The following PCDH11X variants were observed in gnomAD, a reference collection of about 807,000 sequenced individuals.
PCDH11X encodes protocadherin-11 X-linked.
Under a neutral mutation model 53.3 loss-of-function variants are expected in PCDH11X, and 18 were observed. The observed-to-expected ratio is 0.34, with a 90% CI of 0.23 to 0.50. PCDH11X has a LOEUF of 0.50. PCDH11X is among the 20% of genes least tolerant of loss of function. The pLI is 0.98. For missense variants in PCDH11X, 570 were observed against 1,032.4 expected, an observed-to-expected ratio of 0.55 and a Z score of 6.14; for synonymous variants, 279 against 393.3, an observed-to-expected ratio of 0.71 and a Z score of 3.44.
intron 7 of PCDH11X, among the ~76,000 whole-genome samples, chrX:92,218,354 A>G (rs1018741951): frequency 4.0e-4 from 45 of 111,253 alleles, no homozygotes; most frequent in African/African-American, 1.4e-3. Context: ...ATAAAAAATG[A>G]TAAAGGGGAT....
chrX:91,821,155 G>T (rs377463293), intron 4 of PCDH11X, among the ~76,000 whole-genome samples: 1 of 108,138 alleles, frequency 9.2e-6, no homozygotes, highest in East Asian at 2.8e-4. Context: ...TGGCGATGCG[G>T]GCTCTTTTTT....
chrX:92,540,777 C>T (rs2074742495), intron 10 of PCDH11X, among the ~76,000 whole-genome samples: 1 of 106,905 alleles, frequency 9.4e-6, no homozygotes, highest in South Asian at 4.3e-4. Flanking sequence ...TTTATAAATC[C>T]TATCAGAAGT....
At chrX:91,807,769 T>C in intron 1 of PCDH11X, among the ~76,000 whole-genome samples, 1 of 111,478 alleles carries the variant, frequency 9.0e-6, no homozygotes, top group Non-Finnish European at 1.9e-5. Context: ...GTTACAGTTT[T>C]TCAATTAAAA....
At chrX:92,194,749 A>G (rs1237523672) in intron 6 of PCDH11X, among the ~76,000 whole-genome samples, 1 of 110,121 alleles carries the variant, frequency 9.1e-6, no homozygotes, top group Non-Finnish European at 1.9e-5. Context: ...TCATAGAGAT[A>G]TATGATCACT....
chrX:92,142,649 C>T (rs920695480), intron 6 of PCDH11X, among the ~76,000 whole-genome samples: 1 of 111,227 alleles, frequency 9.0e-6, no homozygotes, highest in Non-Finnish European at 1.9e-5. Context: ...TTGTGAATTA[C>T]AGTCGCACAT....
chrX:91,901,960 T>G (rs1347155806), intron 6 of PCDH11X, among the ~76,000 whole-genome samples: 1 of 111,181 alleles, frequency 9.0e-6, no homozygotes, highest in Non-Finnish European at 1.9e-5. Context: ...TGGTCCCTAA[T>G]GCAGGATTTG....
At chrX:92,340,375 C>T (rs2069726277) in intron 8 of PCDH11X, among the ~76,000 whole-genome samples, 1 of 111,913 alleles carries the variant, frequency 8.9e-6, no homozygotes, top group African/African-American at 3.2e-5. Context: ...GGCTCCAACC[C>T]CACATTTCTC....
intron 9 of PCDH11X, among the ~76,000 whole-genome samples, chrX:92,389,701 T>A (rs1022109264): frequency 4.3e-4 from 48 of 111,124 alleles, no homozygotes; most frequent in African/African-American, 1.5e-3. Context: ...GCTTTATTAA[T>A]CCCAATTATA....
chrX:92,036,811 C>T (rs1397785460), intron 6 of PCDH11X, among the ~76,000 whole-genome samples: 4 of 110,520 alleles, frequency 3.6e-5, no homozygotes, highest in South Asian at 7.7e-4. Flanking sequence ...AATTTCCTAG[C>T]GACTTGTTAA....
rs192845437 is a variant in PCDH11X at position 92,093,298 on chromosome X, C to A, written c.3034-108077C>A. ...GCTGAAAAGTGAGAAGAGGAATATA[C>A]TCGAGAATGTATTTTGATACATAAA... On this transcript the variant is annotated intron_variant, in intron 6 of 10. Coordinates refer to ENST00000682573, the MANE Select transcript of PCDH11X (RefSeq NM_032968.5). Among the ~76,000 whole-genome samples, 717 of 111,475 alleles carry A rather than the reference C, an allele frequency of 6.4e-3. 6 individuals are homozygous for A. The highest frequency in any genetic ancestry group is 0.023 in the African/African-American group (697 of 30,695).
At chrX:92,374,774 G>A (rs2070702193) in intron 8 of PCDH11X, among the ~76,000 whole-genome samples, 1 of 110,376 alleles carries the variant, frequency 9.1e-6, no homozygotes, top group Non-Finnish European at 1.9e-5. Context: ...AATGTCTTCG[G>A]AATTCAATTG....
chrX:92,224,273 G>C (rs1410307086), intron 7 of PCDH11X, among the ~76,000 whole-genome samples: 2 of 112,173 alleles, frequency 1.8e-5, no homozygotes, highest in Non-Finnish European at 3.8e-5. Context: ...GGCAACACTG[G>C]GGTAATTTTA....
At chrX:92,615,679 G>T (rs982421163) in intron 10 of PCDH11X, among the ~76,000 whole-genome samples, 1 of 111,228 alleles carries the variant, frequency 9.0e-6, no homozygotes, top group African/African-American at 3.3e-5. Context: ...GATTTTGTAT[G>T]TGCCTGGATT....
In PCDH11X at chrX:92,201,574, A is replaced by AT. The variant is rs765796762; in HGVS notation, c.3114+123dup. The AT allele has an allele frequency of 1.2e-5, 5 of 411,996 alleles. No homozygotes were observed. The Admixed American group carries it at 2.9e-4, about 24-fold the overall frequency. The allele number at this position is 411,996 out of a possible 1,213,427, so 34.0% of individuals were successfully genotyped here. On this transcript the variant is annotated intron_variant, in intron 7 of 10. Transcript: ENST00000682573. ...GTATTCCCTTACATTTCTTCAGGTGATTTTGTGCTGGACTCAAAATTTACT... is the reference window on the plus strand; with the variant it reads ...GTATTCCCTTACATTTCTTCAGGTGATTTTTGTGCTGGACTCAAAATTTACT...
At chrX:91,822,523 C>A (rs1292643845) in intron 4 of PCDH11X, among the ~76,000 whole-genome samples, 2 of 109,523 alleles carry the variant, frequency 1.8e-5, no homozygotes, top group Non-Finnish European at 3.8e-5. Flanking sequence ...GGTGATATCC[C>A]CTTTATCATT....
chrX:92,474,705 AC>A (rs1169841616), intron 10 of PCDH11X, among the ~76,000 whole-genome samples: 1 of 97,660 alleles, frequency 1.0e-5, no homozygotes, highest in Non-Finnish European at 2.0e-5. Context: ...CACTGTATAA[AC>A]AAACAAACAT....
chrX:92,367,423 C>T (rs2070501255), intron 8 of PCDH11X, among the ~76,000 whole-genome samples: 1 of 111,279 alleles, frequency 9.0e-6, no homozygotes. Flanking sequence ...GAATACAGCA[C>T]ACCAATGGGT....
chrX:92,329,067 T>A, intron 8 of PCDH11X, among the ~76,000 whole-genome samples: 1 of 110,942 alleles, frequency 9.0e-6, no homozygotes, highest in East Asian at 2.9e-4. Flanking sequence ...TCCAACAGTA[T>A]ACGAAAAGGA....
At chrX:92,447,771 A>AAGATTTTC (rs1477335637) in intron 9 of PCDH11X, among the ~76,000 whole-genome samples, 84 of 112,655 alleles carry the variant, frequency 7.5e-4, no homozygotes, top group African/African-American at 2.5e-3. Flanking sequence ...AGATCCACTG[A>AAGATTTTC]CAGCTTGCAC....
Sources: gnomAD v4.1 joint callset for allele counts (sites outside exome capture counted in the v4.1 genomes callset) on GRCh38, gnomAD v4.1.1 for gene constraint, MANE v1.5 for transcripts, NCBI Gene and HGNC (gene_info 2026-07-23, HGNC 2026-07-21) for gene names.